The following HORMAD2 variants were observed in gnomAD, a reference collection of about 807,000 sequenced individuals.
HORMAD2 encodes HORMA domain containing 2.
HORMAD2 carries 45 observed loss-of-function variants against 38.8 expected under a neutral mutation model. That is an observed-to-expected ratio of 1.16 (90% CI 0.91 to 1.49). HORMAD2 has a LOEUF of 1.49. Among genes scored for constraint, HORMAD2 ranks in the 40% most tolerant of loss-of-function variants. The probability of loss-of-function intolerance (pLI) is 0.00; values close to 1 mark genes in which losing one functional copy is unlikely to be tolerated. For synonymous variants in HORMAD2, 126 were observed against 122.8 expected (o/e 1.03, Z -0.17); for missense variants, 338 against 367.0 (o/e 0.92, Z 0.65).
At chr22:30,163,116 C>T (rs1259302662) in intron 10 of HORMAD2, among the ~76,000 whole-genome samples, 1 of 152,088 alleles carries the variant, frequency 6.6e-6, no homozygotes, top group Non-Finnish European at 1.5e-5. Context: ...TTAAATGAAC[C>T]TCATTCTTTT....
the HORMAD2 span, among the ~76,000 whole-genome samples, chr22:30,199,272 C>T: frequency 6.6e-6 from 1 of 152,332 alleles, no homozygotes; most frequent in East Asian, 1.9e-4. Flanking sequence ...TCCTACCTCT[C>T]CCCCTTTCTT....
the HORMAD2 span, among the ~76,000 whole-genome samples, chr22:30,203,010 A>G: frequency 6.6e-6 from 1 of 152,200 alleles, no homozygotes; most frequent in Non-Finnish European, 1.5e-5. Flanking sequence ...CACGGCCAAG[A>G]TCAACCTTCC....
chr22:30,197,810 G>A, the HORMAD2 span, among the ~76,000 whole-genome samples: 2 of 151,892 alleles, frequency 1.3e-5, no homozygotes, highest in African/African-American at 4.8e-5. Context: ...TGCACATGTA[G>A]ACCTAGAGAT....
chr22:30,200,652 G>A, the HORMAD2 span, among the ~76,000 whole-genome samples: 5 of 151,916 alleles, frequency 3.3e-5, no homozygotes, highest in Admixed American at 1.3e-4. Context: ...ATCAAGGGGG[G>A]TGGTGGTCCA....
intron 10 of HORMAD2, among the ~76,000 whole-genome samples, chr22:30,170,608 T>C (rs769277503): frequency 6.6e-6 from 1 of 152,092 alleles, no homozygotes; most frequent in Non-Finnish European, 1.5e-5. Context: ...ATATTTTCCA[T>C]GTCTTTTCAT....
chr22:30,140,990 C>A (rs1242547363), intron 10 of HORMAD2, among the ~76,000 whole-genome samples: 7 of 151,878 alleles, frequency 4.6e-5, no homozygotes, highest in Admixed American at 4.6e-4. Context: ...GAAGTATTTT[C>A]TGATTTCCCC....
intron 10 of HORMAD2, among the ~76,000 whole-genome samples, chr22:30,153,588 T>C (rs111290436): frequency 2.6e-5 from 4 of 152,312 alleles, no homozygotes; most frequent in African/African-American, 7.2e-5. Context: ...GCCCAAATCA[T>C]ATCCATTTTG....
intron 2 of HORMAD2, 53 bp downstream of exon 2, chr22:30,094,056 G>A: frequency 8.0e-7 from 1 of 1,253,018 alleles, no homozygotes; most frequent in South Asian, 1.4e-5. Context: ...AGTTAGTTCA[G>A]AATTATGATT....
chr22:30,090,847 T>C (rs1441891311), intron 1 of HORMAD2, among the ~76,000 whole-genome samples: 3 of 152,232 alleles, frequency 2.0e-5, no homozygotes, highest in Non-Finnish European at 2.9e-5. Context: ...ATTCAAACAT[T>C]TATCATTCTT....
downstream of HORMAD2, among the ~76,000 whole-genome samples, chr22:30,178,124 T>G (rs1215924469): frequency 1.9e-4 from 28 of 144,962 alleles, no homozygotes; most frequent in Admixed American, 1.9e-3. Flanking sequence ...CAAAGCAAAT[T>G]AGCACTACTG....
chr22:30,143,138 C>T (rs1431527774), intron 10 of HORMAD2, among the ~76,000 whole-genome samples: 1 of 152,100 alleles, frequency 6.6e-6, no homozygotes, highest in African/African-American at 2.4e-5. Flanking sequence ...TTAGGTCAAA[C>T]AATATACCAT....
At chr22:30,099,873 G>A (rs1029044657) in intron 3 of HORMAD2, among the ~76,000 whole-genome samples, 1 of 152,066 alleles carries the variant, frequency 6.6e-6, no homozygotes, top group African/African-American at 2.4e-5. Context: ...GGTGACAAGA[G>A]CAAAACTTCA....
At chr22:30,109,491 A>G (rs1487722509) in intron 5 of HORMAD2, among the ~76,000 whole-genome samples, 1 of 151,460 alleles carries the variant, frequency 6.6e-6, no homozygotes, top group Non-Finnish European at 1.5e-5. Flanking sequence ...CTAATTATTT[A>G]CTTTTTGTAG....
At chr22:30,122,923 A>G (rs1314645674) in intron 10 of HORMAD2, among the ~76,000 whole-genome samples, 1 of 152,200 alleles carries the variant, frequency 6.6e-6, no homozygotes, top group Non-Finnish European at 1.5e-5. Flanking sequence ...TCTGAGTTAG[A>G]CAAAAAATTT....
chr22:30,197,336 C>A, the HORMAD2 span, among the ~76,000 whole-genome samples: 3 of 151,888 alleles, frequency 2.0e-5, no homozygotes, highest in Non-Finnish European at 4.4e-5. Context: ...GGGTGACTAG[C>A]CCACATTTGT....
chr22:30,128,729 T>C (rs1418507343), intron 10 of HORMAD2, among the ~76,000 whole-genome samples: 2 of 152,174 alleles, frequency 1.3e-5, no homozygotes, highest in Non-Finnish European at 2.9e-5. Flanking sequence ...CCTGGTTGCC[T>C]TGTGTGGGGG....
At chr22:30,144,578 G>A (rs367887580) in intron 10 of HORMAD2, among the ~76,000 whole-genome samples, 8 of 152,176 alleles carry the variant, frequency 5.3e-5, no homozygotes, top group South Asian at 2.1e-4. Context: ...CGGGGACAAC[G>A]GTGTGCTTAT....
chr22:30,176,275 A>G lies in HORMAD2; in HGVS notation c.*108A>G. ...ATTCCTGTTACCAAAACCTTTTTCT[A>G]AATTTTTTGCTCAATTTTTTTTGTC... is the stretch of plus-strand genomic sequence containing the variant. On this transcript the variant is annotated 3_prime_UTR_variant, in exon 11 of 11. Coordinates refer to ENST00000336726, the MANE Select transcript of HORMAD2 (RefSeq NM_152510.4). 1 of 798,240 alleles carries G rather than the reference A, an allele frequency of 1.3e-6. No homozygotes were observed. The highest frequency in any genetic ancestry group is 2.7e-5 in the East Asian group (1 of 36,634). The allele number at this position is 798,240 out of a possible 1,614,324, so 49.4% of individuals were successfully genotyped here. A position where few individuals can be genotyped will look rare whatever the true frequency, so the allele number is the denominator to read the frequency against.
intron 10 of HORMAD2, among the ~76,000 whole-genome samples, chr22:30,142,813 A>G (rs1924168201): frequency 6.6e-6 from 1 of 151,992 alleles, no homozygotes; most frequent in South Asian, 2.1e-4. Context: ...TAATTTCTTT[A>G]ATTTTTTTCA....
Sources: gnomAD v4.1 joint callset for allele counts (sites outside exome capture counted in the v4.1 genomes callset) on GRCh38, gnomAD v4.1.1 for gene constraint, MANE v1.5 for transcripts, NCBI Gene and HGNC (gene_info 2026-07-23, HGNC 2026-07-21) for gene names.